Variants in DAG1 observed in about 807,000 individuals in gnomAD.
DAG1 encodes the protein dystroglycan 1 (dystrophin-associated glycoprotein 1).
Under a neutral mutation model 46.1 loss-of-function variants are expected in DAG1, and 8 were observed. That is an observed-to-expected ratio of 0.17 (90% CI 0.10 to 0.31). DAG1 has a LOEUF of 0.31. DAG1 is among the 10% of genes least tolerant of loss of function. The probability of loss-of-function intolerance (pLI) is 1.00; values close to 1 mark genes in which losing one functional copy is unlikely to be tolerated. For synonymous variants in DAG1, 495 were observed against 481.8 expected, an observed-to-expected ratio of 1.03 and a Z score of -0.36; for missense variants, 1,003 against 1,189.9, an observed-to-expected ratio of 0.84 and a Z score of 2.31.
At chr3:49,506,224 G>A (rs1312970999) in intron 1 of DAG1, among the ~76,000 whole-genome samples, 2 of 151,798 alleles carry the variant, frequency 1.3e-5, no homozygotes, top group African/African-American at 2.4e-5. Flanking sequence ...GTGATTCACC[G>A]GCCTCAGCCT....
At position 49,530,788 on chromosome 3, in the gene DAG1, C is replaced by G; in HGVS notation, c.286-9C>G. 1 of 1,614,098 alleles carries G rather than the reference C, an allele frequency of 6.2e-7. No homozygotes were observed. The highest frequency in any genetic ancestry group is 1.3e-5 in the African/African-American group (1 of 75,040). On this transcript the variant is annotated splice_polypyrimidine_tract_variant and intron_variant, in intron 2 of 2. Transcript: ENST00000308775. ...TAGTATTTTTAATTTATGCTTGTGTCTCTTCTAGGTATCAGCGGCAGGGAA... is the reference window on the plus strand; with the variant it reads ...TAGTATTTTTAATTTATGCTTGTGTGTCTTCTAGGTATCAGCGGCAGGGAA...
chr3:49,518,738 G>A (rs2050957290), intron 2 of DAG1, among the ~76,000 whole-genome samples: 1 of 152,162 alleles, frequency 6.6e-6, no homozygotes, highest in African/African-American at 2.4e-5. Flanking sequence ...TTCTGTTATT[G>A]ACCCCAGCTT....
intron 1 of DAG1, among the ~76,000 whole-genome samples, chr3:49,508,834 G>A (rs748834964): frequency 6.6e-6 from 1 of 152,140 alleles, no homozygotes; most frequent in African/African-American, 2.4e-5. Context: ...CGCCCGCCAG[G>A]CCTCAAAGCA....
rs1294116427 is a variant in DAG1 at position 49,531,144 on chromosome 3, G to A, written c.633G>A (p.Leu211=). 1 of 1,614,108 alleles carries A rather than the reference G, an allele frequency of 6.2e-7. No individual in the cohort carries two copies. Among genetic ancestry groups the A allele is most frequent in the African/African-American group, 1.3e-5 (1 of 74,932 alleles). The change falls in exon 3 of 3, where the codon CTG becomes CTA. Residue 211 remains leucine (L), a synonymous_variant. Transcript: ENST00000308775. This position sits in a 1 kb window ranked among gnomAD's most constrained non-coding sequence, Gnocchi z 7.0. ...KMTPKQRIDL[L]HRMRSFSEVE... ...CCCCAAAGCAAAGGATTGACCTCCT[G>A]CACAGGATGCGGAGCTTCTCAGAAG...
chr3:49,506,199 G>A (rs553009594), intron 1 of DAG1, among the ~76,000 whole-genome samples: 3 of 152,056 alleles, frequency 2.0e-5, no homozygotes, highest in Non-Finnish European at 4.4e-5. Flanking sequence ...GGCTGGTCTT[G>A]AACTCCTGAC....
At chr3:49,469,140 G>A (rs1292015541), upstream of DAG1, 1 of 152,328 alleles carries the variant, frequency 6.6e-6, no homozygotes, top group African/African-American at 2.4e-5. Flanking sequence ...GGGAAAGCCA[G>A]GGAGCCCCAG....
chr3:49,514,805 ATGTGTGTGTGTGTG>A (rs138689783), intron 2 of DAG1, among the ~76,000 whole-genome samples: 1 of 145,532 alleles, frequency 6.9e-6, no homozygotes, highest in Non-Finnish European at 1.5e-5. Context: ...CTCCTGGCAT[ATGTGTGTGTGTGTG>A]TGTGTGTGTG....
At chr3:49,519,878 A>G (rs757120869) in intron 2 of DAG1, among the ~76,000 whole-genome samples, 19 of 152,146 alleles carry the variant, frequency 1.2e-4, no homozygotes, top group Non-Finnish European at 2.5e-4. Flanking sequence ...TTTGGGGAAA[A>G]AGACTAATTT....
intron 2 of DAG1, among the ~76,000 whole-genome samples, chr3:49,511,882 GTAGTGT>G (rs2050769278): frequency 6.6e-6 from 1 of 152,338 alleles, no homozygotes; most frequent in South Asian, 2.1e-4. Context: ...CTCTGCCTGT[GTAGTGT>G]TAAAGTAGCC....
chr3:49,529,087 G>A (rs1011183975), intron 2 of DAG1, among the ~76,000 whole-genome samples: 6 of 152,124 alleles, frequency 3.9e-5, no homozygotes, highest in Non-Finnish European at 8.8e-5. Flanking sequence ...CTGACCTCAG[G>A]TGATCTGCCC....
intron 1 of DAG1, among the ~76,000 whole-genome samples, chr3:49,504,128 C>T (rs2050531417): frequency 6.6e-6 from 1 of 152,174 alleles, no homozygotes. Flanking sequence ...TTTATAGCCA[C>T]ATCTACCTCC....
chr3:49,507,904 T>G (rs925891696), intron 1 of DAG1, among the ~76,000 whole-genome samples: 1 of 152,098 alleles, frequency 6.6e-6, no homozygotes, highest in African/African-American at 2.4e-5. Context: ...TTGTATTTTT[T>G]GAGAGGAATC....
At position 49,532,176 on chromosome 3, in the gene DAG1, C is replaced by T; in HGVS notation, c.1665C>T (p.Asn555=). Reference sequence around the variant, plus strand: ...GCGAGAAGTCCTGGGTACAGTTCAACAGCAACAGCCAGCTCATGTATGGCC... The same window carrying T: ...GCGAGAAGTCCTGGGTACAGTTCAATAGCAACAGCCAGCTCATGTATGGCC... The part of the protein sequence containing the change: ...LVGEKSWVQF[N]SNSQLMYGLP... The change falls in exon 3 of 3, where the codon AAC becomes AAT. Residue 555 remains asparagine, a synonymous_variant. Coordinates refer to ENST00000308775, the MANE Select transcript of DAG1 (RefSeq NM_004393.6). The surrounding 1 kb of genome is among the most constrained non-coding windows in gnomAD (Gnocchi z 5.4). The T allele has an allele frequency of 6.2e-7, 1 of 1,614,250 alleles. No homozygotes were observed. The highest frequency in any genetic ancestry group is 8.5e-7 in the Non-Finnish European group (1 of 1,180,044).
At chr3:49,510,864 CCATT>C in intron 2 of DAG1, 45 bp downstream of exon 2, 1 of 1,605,762 alleles carries the variant, frequency 6.2e-7, no homozygotes, top group East Asian at 2.2e-5. Context: ...TTCTCATTTT[CCATT>C]TTAGTTTTGG....
chr3:49,507,612 TTTTTC>T (rs1305930969), intron 1 of DAG1, among the ~76,000 whole-genome samples: 1 of 151,930 alleles, frequency 6.6e-6, no homozygotes, highest in Non-Finnish European at 1.5e-5. Flanking sequence ...TTCCTTAATA[TTTTTC>T]TTTTCTTTTT....
At chr3:49,490,880 CTTT>C (rs972440561) in intron 1 of DAG1, among the ~76,000 whole-genome samples, 4 of 87,846 alleles carry the variant, frequency 4.6e-5, no homozygotes, top group Admixed American at 1.4e-4. Context: ...CTCCTAAATT[CTTT>C]TTTTTTTTTT....
intron 1 of DAG1, among the ~76,000 whole-genome samples, chr3:49,503,827 CAA>C (rs57105506): frequency 6.1e-5 from 8 of 130,796 alleles, no homozygotes; most frequent in Admixed American, 7.4e-5. Context: ...GACCCTGTCT[CAA>C]AAAAAAAAAA....
Position 49,532,243 on chromosome 3 carries a change from C to A in DAG1, c.1732C>A (p.His578Asn). 1 of 1,613,984 alleles carries A rather than the reference C, an allele frequency of 6.2e-7. No individual in the cohort carries two copies. The highest frequency in any genetic ancestry group is 8.5e-7 in the Non-Finnish European group (1 of 1,179,816). Reference protein sequence around the residue: ...SHVGKHEYFMHATDKGGLSAV... With the variant: ...SHVGKHEYFMNATDKGGLSAV... ...CGTGGGCAAACACGAGTATTTCATG[C>A]ATGCCACAGACAAGGGGGGCCTGTC... The change falls in exon 3 of 3, where the codon CAT becomes AAT. Residue 578 changes from histidine to asparagine, a missense_variant. Physicochemically the swap from His to Asn is moderately conservative, Grantham distance 68. Around this residue, in one of 3 missense-constraint regions of DAG1, gnomAD observed 755 missense variants for 854.1 expected, o/e 0.88. Transcript: ENST00000308775. The surrounding 1 kb of genome is among the most constrained non-coding windows in gnomAD (Gnocchi z 5.4).
chr3:49,490,694 C>T (rs754828111), intron 1 of DAG1, among the ~76,000 whole-genome samples: 7 of 151,608 alleles, frequency 4.6e-5, no homozygotes, highest in Non-Finnish European at 8.8e-5. Context: ...CTTAGCCTCC[C>T]GAGTAGCTGA....
Sources: gnomAD v4.1 joint callset for allele counts (sites outside exome capture counted in the v4.1 genomes callset) on GRCh38, gnomAD v4.1.1 for gene constraint, gnomAD v4.1.1 regional missense constraint, Gnocchi (gnomAD v3.1) non-coding constraint, MANE v1.5 for transcripts, NCBI Gene and HGNC (gene_info 2026-07-23, HGNC 2026-07-21) for gene names.